The following NDUFS4 variants were observed in gnomAD, a reference collection of about 807,000 sequenced individuals.
NDUFS4 encodes the protein NADH dehydrogenase [ubiquinone] iron-sulfur protein 4, mitochondrial.
NDUFS4 carries 28 observed loss-of-function variants against 24.3 expected under a neutral mutation model. That is an observed-to-expected ratio of 1.15 (90% confidence interval 0.85 to 1.58). The LOEUF (loss-of-function observed/expected upper bound fraction) is 1.58. Among genes scored for constraint, NDUFS4 ranks in the 40% most tolerant of loss-of-function variants. NDUFS4 has a pLI of 0.00. For missense variants in NDUFS4, 223 were observed against 207.9 expected, an observed-to-expected ratio of 1.07 and a Z score of -0.45; for synonymous variants, 93 against 69.7, an observed-to-expected ratio of 1.34 and a Z score of -1.67.
intron 4 of NDUFS4, among the ~76,000 whole-genome samples, chr5:53,679,406 C>CTATT (rs1233737025): frequency 6.6e-6 from 1 of 152,128 alleles, no homozygotes; most frequent in African/African-American, 2.4e-5. Context: ...CATGATACTT[C>CTATT]TATTTATGTT....
intron 4 of NDUFS4, among the ~76,000 whole-genome samples, chr5:53,669,581 C>T (rs545801113): frequency 1.3e-5 from 2 of 152,266 alleles, no homozygotes; most frequent in East Asian, 3.9e-4. Context: ...TCCTTTCTTG[C>T]AGCTCTTATA....
chr5:53,583,381 C>G (rs930448104), intron 1 of NDUFS4, among the ~76,000 whole-genome samples: 1 of 152,092 alleles, frequency 6.6e-6, no homozygotes, highest in African/African-American at 2.4e-5. Context: ...AGACAGCTTT[C>G]CATGTGATTT....
Position 53,630,700 on chromosome 5 carries a change from A to G in NDUFS4, c.178-15533A>G, listed in dbSNP as rs570773100. ...TATTGAAGCTTGTGTATGCTTCACG[A>G]AGTTCTCTTGCTGCATTTTTCAGCT... On this transcript the variant is annotated intron_variant, in intron 2 of 4. Transcript: ENST00000296684. Among the ~76,000 whole-genome samples the G allele has an allele frequency of 2.0e-5, 3 of 152,022 alleles. No individual in the cohort carries two copies. The East Asian group carries it at 5.8e-4, about 29-fold the overall frequency.
intron 3 of NDUFS4, among the ~76,000 whole-genome samples, chr5:53,651,499 T>C (rs905162236): frequency 1.3e-5 from 2 of 151,766 alleles, no homozygotes; most frequent in African/African-American, 4.8e-5. Context: ...TACAACTATA[T>C]ATAAAATACT....
intron 1 of NDUFS4, among the ~76,000 whole-genome samples, chr5:53,590,917 A>G (rs752174435): frequency 5.3e-5 from 8 of 152,194 alleles, no homozygotes; most frequent in Non-Finnish European, 1.2e-4. Context: ...GTCTGTACCC[A>G]TTACACAGTA....
intron 2 of NDUFS4, among the ~76,000 whole-genome samples, chr5:53,636,667 C>T (rs1027901954): frequency 2.6e-5 from 4 of 152,134 alleles, no homozygotes; most frequent in Admixed American, 2.0e-4. Flanking sequence ...CCAAATCTGA[C>T]GTGGAGATGT....
chr5:53,581,288 A>G (rs1480140375), intron 1 of NDUFS4, among the ~76,000 whole-genome samples: 1 of 152,140 alleles, frequency 6.6e-6, no homozygotes, highest in Non-Finnish European at 1.5e-5. Flanking sequence ...ATCAATTTCC[A>G]TCTTTGCTAC....
chr5:53,674,041 G>A (rs772418102), intron 4 of NDUFS4, among the ~76,000 whole-genome samples: 3 of 152,142 alleles, frequency 2.0e-5, no homozygotes, highest in South Asian at 2.1e-4. Flanking sequence ...ACATAGGTTC[G>A]TCTCCTATAA....
At chr5:53,563,101 C>A (rs921394447) in intron 1 of NDUFS4, among the ~76,000 whole-genome samples, 3 of 152,000 alleles carry the variant, frequency 2.0e-5, no homozygotes, top group African/African-American at 7.2e-5. Flanking sequence ...TGGCAGCGTG[C>A]GCCTGTAGTC....
At chr5:53,570,674 A>ATTTTT (rs376174216) in intron 1 of NDUFS4, among the ~76,000 whole-genome samples, 1 of 127,980 alleles carries the variant, frequency 7.8e-6, no homozygotes. Context: ...TTTGTATTGT[A>ATTTTT]TTTTTTTTTC....
intron 3 of NDUFS4, among the ~76,000 whole-genome samples, chr5:53,655,507 T>C (rs1338479911): frequency 6.6e-6 from 1 of 152,126 alleles, no homozygotes; most frequent in African/African-American, 2.4e-5. Context: ...GTTTGGGTTT[T>C]TATGTATAAT....
intron 1 of NDUFS4, among the ~76,000 whole-genome samples, chr5:53,580,763 T>TTCTTTCTTTCTCTCTC (rs909238893): frequency 6.6e-6 from 1 of 151,182 alleles, no homozygotes; most frequent in Non-Finnish European, 1.5e-5. Context: ...TTCTCTTTCT[T>TTCTTTCTTTCTCTCTC]TCTTTCTTTC....
chr5:53,654,073 G>A (rs1490783955), intron 3 of NDUFS4, among the ~76,000 whole-genome samples: 2 of 151,984 alleles, frequency 1.3e-5, no homozygotes, highest in Non-Finnish European at 2.9e-5. Context: ...GCAAAGTTGA[G>A]TATCATTCAT....
chr5:53,584,284 T>C (rs1172936044), intron 1 of NDUFS4, among the ~76,000 whole-genome samples: 1 of 152,208 alleles, frequency 6.6e-6, no homozygotes, highest in Non-Finnish European at 1.5e-5. Flanking sequence ...TAGTAGATGT[T>C]TGGTGAATTG....
At chr5:53,596,786 AAACG>A (rs1411551692) in intron 1 of NDUFS4, among the ~76,000 whole-genome samples, 1 of 152,218 alleles carries the variant, frequency 6.6e-6, no homozygotes, top group Non-Finnish European at 1.5e-5. Context: ...AATTGACAAC[AAACG>A]TAATTAGTTC....
chr5:53,576,069 G>C (rs1749380304), intron 1 of NDUFS4, among the ~76,000 whole-genome samples: 1 of 152,230 alleles, frequency 6.6e-6, no homozygotes, highest in Non-Finnish European at 1.5e-5. Context: ...TCTTCTTTGA[G>C]AGGGTGTAGA....
intron 2 of NDUFS4, among the ~76,000 whole-genome samples, chr5:53,635,496 G>T (rs1935635628): frequency 6.6e-6 from 1 of 151,984 alleles, no homozygotes; most frequent in South Asian, 2.1e-4. Flanking sequence ...CCCTAACCTG[G>T]GTGATGGAGT....
At chr5:53,672,142 T>G (rs1246465794) in intron 4 of NDUFS4, among the ~76,000 whole-genome samples, 3 of 151,752 alleles carry the variant, frequency 2.0e-5, no homozygotes, top group Non-Finnish European at 4.4e-5. Flanking sequence ...ATCCCAGAAG[T>G]GAACAACATC....
chr5:53,600,266 T>C (rs1419180402), intron 1 of NDUFS4, among the ~76,000 whole-genome samples: 1 of 152,066 alleles, frequency 6.6e-6, no homozygotes, highest in Admixed American at 6.6e-5. Flanking sequence ...CCCAAAGTGC[T>C]GGGATTACAG....
Sources: gnomAD v4.1 joint callset for allele counts (sites outside exome capture counted in the v4.1 genomes callset) on GRCh38, gnomAD v4.1.1 for gene constraint, MANE v1.5 for transcripts, NCBI Gene and HGNC (gene_info 2026-07-23, HGNC 2026-07-21) for gene names.